SETD2: variants seen among roughly 807,000 people sequenced by gnomAD.
SETD2 encodes the protein SET domain containing 2, histone lysine methyltransferase, also known as histone-lysine N-methyltransferase SETD2.
Under a neutral mutation model 242.1 loss-of-function variants are expected in SETD2, and 31 were observed. The observed-to-expected ratio is 0.13, with a 90% CI of 0.10 to 0.17. SETD2 has a LOEUF of 0.17. Ranked by LOEUF, SETD2 falls within the 10% of genes least tolerant of loss-of-function variation. The probability of loss-of-function intolerance (pLI) is 1.00; values close to 1 mark genes in which losing one functional copy is unlikely to be tolerated. For missense variants in SETD2, 2,481 were observed against 3,046.3 expected, an observed-to-expected ratio of 0.81 and a Z score of 4.37; for synonymous variants, 1,006 against 1,066.5, an observed-to-expected ratio of 0.94 and a Z score of 1.11.
At chr3:47,060,951 C>A (rs2040304530) in intron 14 of SETD2, among the ~76,000 whole-genome samples, 1 of 152,010 alleles carries the variant, frequency 6.6e-6, no homozygotes, top group Non-Finnish European at 1.5e-5. Context: ...CAGCCAGGCG[C>A]AGTGGCTCAT....
chr3:47,057,473 G>C lies in SETD2; in HGVS notation c.6311C>G (p.Ser2104Cys), dbSNP rs2107578274. 6.2e-7 allele frequency: 1 copy of C among 1,613,884 alleles called. No individual in the cohort carries two copies. Residue 2104 changes from serine (S) to cysteine (C), a missense_variant, in exon 15 of 21, where the codon TCT becomes TGT. By Grantham distance (112) the Ser-to-Cys change is moderately radical (BLOSUM62 -1). Coordinates refer to ENST00000409792, the MANE Select transcript of SETD2 (RefSeq NM_014159.7). ...GTCTTTAATTCGTACTTTCTTTTTA[G>C]AAGTTGGTGTATCATATCTAGAAAG... ...RPDDRYDTPT[S>C]KKKVRIKDRN...
At chr3:47,038,163 C>T (rs749373158) in intron 17 of SETD2, among the ~76,000 whole-genome samples, 1 of 152,224 alleles carries the variant, frequency 6.6e-6, no homozygotes, top group Non-Finnish European at 1.5e-5. Context: ...TAAACAGTGA[C>T]TGTACCTAGC....
rs747536206 is a variant in SETD2, at chr3:47,086,286, G to T, written c.5306C>A (p.Ser1769Tyr). Reference protein sequence around the residue: ...QNTHSQSCLKSFLERHGLSLL... With the variant: ...QNTHSQSCLKYFLERHGLSLL... Reference sequence around the variant, plus strand: ...AGACAGCCCATGACGTTCCAGAAAGGACTTCAGGCAGGACTGTGAGTGTGT... The same window carrying T: ...AGACAGCCCATGACGTTCCAGAAAGTACTTCAGGCAGGACTGTGAGTGTGT... The change falls in exon 11 of 21, where the codon TCC becomes TAC. Residue 1769 changes from serine to tyrosine, a missense_variant. Ser to Tyr is a moderately radical substitution (Grantham distance 144). Transcript: ENST00000409792. 3.8e-5 allele frequency: 61 copies of T among 1,612,766 alleles called. 1 individual carries two copies. In the East Asian group the frequency reaches 1.4e-3, roughly 36 times the overall value.
chr3:47,038,847 G>C (rs1265053749), intron 17 of SETD2, among the ~76,000 whole-genome samples: 1 of 152,200 alleles, frequency 6.6e-6, no homozygotes, highest in Non-Finnish European at 1.5e-5. Flanking sequence ...ATGTTATGAG[G>C]ACAGTGACTT....
intron 19 of SETD2, among the ~76,000 whole-genome samples, chr3:47,018,956 GCC>G (rs1419107511): frequency 6.6e-6 from 1 of 152,198 alleles, no homozygotes; most frequent in African/African-American, 2.4e-5. Context: ...CTTCCTGACT[GCC>G]CAGATTGTGG....
At chr3:47,043,609 A>T (rs2039381465) in intron 16 of SETD2, among the ~76,000 whole-genome samples, 1 of 152,158 alleles carries the variant, frequency 6.6e-6, no homozygotes, top group Admixed American at 6.6e-5. Context: ...TGAAGAATAC[A>T]TTTTTTACCT....
intron 12 of SETD2, among the ~76,000 whole-genome samples, chr3:47,076,192 A>G (rs982375662): frequency 6.6e-6 from 1 of 152,222 alleles, no homozygotes; most frequent in Admixed American, 6.5e-5. Context: ...AATTTAAATG[A>G]GAAGAGACAT....
At chr3:47,020,916 G>A (rs2107497198) in intron 18 of SETD2, among the ~76,000 whole-genome samples, 1 of 152,288 alleles carries the variant, frequency 6.6e-6, no homozygotes, top group Non-Finnish European at 1.5e-5. Context: ...GCTTTAGGCT[G>A]TTACAAATCA....
intron 17 of SETD2, among the ~76,000 whole-genome samples, 162 bp from the exon 18 acceptor site, chr3:47,037,939 A>G (rs1000379926): frequency 6.6e-6 from 1 of 152,236 alleles, no homozygotes; most frequent in African/African-American, 2.4e-5. Context: ...CCTAACAGCA[A>G]TGATTCTAGC....
chr3:47,041,421 G>T (rs1176264630), intron 17 of SETD2: 33 of 431,212 alleles, frequency 7.7e-5, no homozygotes, highest in Non-Finnish European at 1.3e-4. Context: ...GCTTAGGTGG[G>T]AGGATCGCTT....
chr3:47,157,650 G>C, intron 1 of SETD2: 1 of 422,476 alleles, frequency 2.4e-6, no homozygotes, highest in East Asian at 7.3e-5. Context: ...CAGGTGGGTG[G>C]ATCACCTGAG....
intron 1 of SETD2, among the ~76,000 whole-genome samples, chr3:47,139,445 T>C (rs766215383): frequency 2.0e-5 from 3 of 152,192 alleles, no homozygotes; most frequent in Non-Finnish European, 4.4e-5. Context: ...TGTCTCCCCA[T>C]ATAGAGTTTA....
chr3:47,158,532 A>C (rs983152300), intron 1 of SETD2, among the ~76,000 whole-genome samples: 2 of 152,142 alleles, frequency 1.3e-5, no homozygotes, highest in African/African-American at 4.8e-5. Flanking sequence ...CACTTAATGA[A>C]TAATATATTT....
chr3:47,019,308 G>C (rs2038115360), intron 19 of SETD2, among the ~76,000 whole-genome samples: 1 of 152,192 alleles, frequency 6.6e-6, no homozygotes, highest in South Asian at 2.1e-4. Context: ...TGAATAAGAG[G>C]AAAGGCAATC....
chr3:47,116,351 TAAA>T (rs1191516962), intron 4 of SETD2, among the ~76,000 whole-genome samples: 1 of 152,154 alleles, frequency 6.6e-6, no homozygotes, highest in South Asian at 2.1e-4. Flanking sequence ...TTATAAAAGA[TAAA>T]AAAGTACTGA....
At chr3:47,044,214 G>A (rs1575678421) in intron 16 of SETD2, among the ~76,000 whole-genome samples, 1 of 151,272 alleles carries the variant, frequency 6.6e-6, no homozygotes, top group Non-Finnish European at 1.5e-5. Flanking sequence ...GTGGTGGTGT[G>A]CACTTGTAAT....
intron 4 of SETD2, among the ~76,000 whole-genome samples, chr3:47,115,266 A>C (rs1175912565): frequency 6.6e-6 from 1 of 152,164 alleles, no homozygotes. Context: ...GTTTGAACCT[A>C]ATCATGAGAA....
intron 14 of SETD2, among the ~76,000 whole-genome samples, chr3:47,059,816 T>G (rs9854790): frequency 0.65 from 99,061 of 151,246 alleles, 32,764 homozygotes; most frequent in African/African-American, 0.76. Flanking sequence ...AGACAGTCTT[T>G]CTCTGTCACC....
intron 1 of SETD2, among the ~76,000 whole-genome samples, chr3:47,146,811 G>C (rs1389998938): frequency 1.3e-5 from 2 of 151,788 alleles, no homozygotes; most frequent in Non-Finnish European, 2.9e-5. Context: ...ACTGGCGTTT[G>C]CCTGTGGTCC....
Sources: allele counts gnomAD v4.1 joint callset (sites outside exome capture counted in the v4.1 genomes callset), GRCh38; gene constraint gnomAD v4.1.1; transcripts MANE v1.5; gene names NCBI Gene and HGNC (gene_info 2026-07-23, HGNC 2026-07-21).